The following SGK1 variants were observed in gnomAD, a reference collection of about 807,000 sequenced individuals.
SGK1 encodes the protein serum/glucocorticoid regulated kinase 1, also known as serine/threonine-protein kinase Sgk1.
Under a neutral mutation model 64.2 loss-of-function variants are expected in SGK1, and 26 were observed. The ratio of observed to expected loss-of-function variants is 0.40; its 90% CI spans 0.30 to 0.56. The LOEUF (loss-of-function observed/expected upper bound fraction) is 0.56, where lower values mean the gene tolerates loss of function less well. SGK1 is among the 20% of genes least tolerant of loss of function. SGK1 has a pLI of 0.38. For missense variants in SGK1, 519 were observed against 645.6 expected (o/e 0.80, Z 2.12); for synonymous variants, 265 against 239.7 (o/e 1.11, Z -0.98).
chr6:134,285,245 G>A (rs1475766411), intron 1 of SGK1, among the ~76,000 whole-genome samples: 2 of 152,096 alleles, frequency 1.3e-5, no homozygotes, highest in Non-Finnish European at 2.9e-5. Flanking sequence ...GATTGCCTGA[G>A]GTCGGCAGAT....
intron 9 of SGK1, 35 bp downstream of exon 9, chr6:134,172,627 C>T: frequency 1.4e-6 from 2 of 1,391,316 alleles, no homozygotes; most frequent in Non-Finnish European, 2.0e-6. Context: ...CTCCTTTATA[C>T]CAAAACTGGT....
intron 1 of SGK1, among the ~76,000 whole-genome samples, chr6:134,296,455 A>G (rs1299674268): frequency 6.6e-6 from 1 of 152,018 alleles, no homozygotes; most frequent in East Asian, 1.9e-4. Flanking sequence ...CATTTTTTGT[A>G]GAGACAGGAT....
intron 1 of SGK1, among the ~76,000 whole-genome samples, chr6:134,282,574 A>G (rs868235862): frequency 3.2e-4 from 49 of 151,406 alleles, no homozygotes; most frequent in African/African-American, 1.2e-3. Flanking sequence ...AATCACTTGA[A>G]CCTGGGAGGC....
intron 1 of SGK1, among the ~76,000 whole-genome samples, chr6:134,265,197 C>T (rs1432305772): frequency 2.0e-5 from 3 of 152,154 alleles, no homozygotes; most frequent in African/African-American, 4.8e-5. Flanking sequence ...CAGTGGCTCA[C>T]GCCTGTAATC....
At chr6:134,228,380 G>A (rs953647391) in intron 2 of SGK1, among the ~76,000 whole-genome samples, 3 of 152,028 alleles carry the variant, frequency 2.0e-5, no homozygotes, top group Non-Finnish European at 4.4e-5. Flanking sequence ...ACAAAGCTAT[G>A]GTTAATATTA....
intron 2 of SGK1, among the ~76,000 whole-genome samples, chr6:134,207,876 T>C (rs1333870732): frequency 6.6e-6 from 1 of 152,226 alleles, no homozygotes; most frequent in African/African-American, 2.4e-5. Context: ...AAAATACATA[T>C]TAATTAAAAG....
intron 1 of SGK1, among the ~76,000 whole-genome samples, chr6:134,289,375 A>G (rs1777229928): frequency 1.3e-5 from 2 of 152,258 alleles, no homozygotes; most frequent in Admixed American, 6.5e-5. Flanking sequence ...GAATAATTGG[A>G]TAAGCCTTTA....
intron 1 of SGK1, among the ~76,000 whole-genome samples, chr6:134,305,316 G>A (rs1040216429): frequency 1.9e-4 from 24 of 129,424 alleles, no homozygotes; most frequent in African/African-American, 5.2e-4. Flanking sequence ...CCAAAATCGC[G>A]CCCACTGCAC....
intron 1 of SGK1, among the ~76,000 whole-genome samples, chr6:134,299,683 T>TA (rs909975422): frequency 6.3e-4 from 95 of 150,990 alleles, no homozygotes; most frequent in African/African-American, 2.2e-3. Context: ...GTAAACCACT[T>TA]AAAAAAAAAG....
At chr6:134,174,842 C>T (rs375512444) in intron 3 of SGK1, 1 of 1,613,190 alleles carries the variant, frequency 6.2e-7, no homozygotes, top group African/African-American at 1.3e-5. Context: ...CGTTAGCGCT[C>T]AAAGACCGGC....
chr6:134,250,643 A>G lies in SGK1; in HGVS notation c.285+11290T>C, dbSNP rs543684528. 2.0e-5 allele frequency among the ~76,000 whole-genome samples: 3 copies of G among 152,350 alleles called. No homozygotes were observed. The South Asian group carries it at 6.2e-4, about 32-fold the overall frequency. On this transcript the variant is annotated intron_variant, in intron 2 of 13. Coordinates refer to ENST00000367858, the MANE Select transcript of SGK1 (RefSeq NM_001143676.3). ...AATAAGAAATATCAAGGTGATATTA[A>G]TGGTTTGTATTTCCCTTTTCTGTAG...
chr6:134,293,348 T>G (rs1777295110), intron 1 of SGK1, among the ~76,000 whole-genome samples: 2 of 152,166 alleles, frequency 1.3e-5, no homozygotes, highest in African/African-American at 4.8e-5. Context: ...TAGAGGCAAA[T>G]GAGAGAGTTA....
chr6:134,246,060 C>T (rs1185369637), intron 2 of SGK1, among the ~76,000 whole-genome samples: 1 of 152,178 alleles, frequency 6.6e-6, no homozygotes, highest in African/African-American at 2.4e-5. Flanking sequence ...ACACAAATGA[C>T]CACGTAAAGG....
At chr6:134,270,008 G>A (rs1013984144) in intron 1 of SGK1, among the ~76,000 whole-genome samples, 1 of 146,972 alleles carries the variant, frequency 6.8e-6, no homozygotes, top group Non-Finnish European at 1.5e-5. Context: ...TGCAACCTCC[G>A]CCTCCCGGGT....
chr6:134,219,885 C>T (rs1229660404), intron 2 of SGK1, among the ~76,000 whole-genome samples: 1 of 144,406 alleles, frequency 6.9e-6, no homozygotes, highest in Admixed American at 7.1e-5. Flanking sequence ...CGGTGAAACC[C>T]CGTCTCTACT....
intron 2 of SGK1, among the ~76,000 whole-genome samples, chr6:134,241,823 C>G (rs187986392): frequency 4.4e-4 from 67 of 151,352 alleles, no homozygotes; most frequent in African/African-American, 1.6e-3. Flanking sequence ...CGTTTCACCG[C>G]GTTAGCCAGG....
chr6:134,244,499 A>G (rs1037304833), intron 2 of SGK1, among the ~76,000 whole-genome samples: 7 of 152,280 alleles, frequency 4.6e-5, no homozygotes, highest in East Asian at 3.9e-4. Flanking sequence ...GGAAAAGCAT[A>G]GTATCTGGGC....
At chr6:134,249,350 T>C (rs1467875714) in intron 2 of SGK1, 1 of 152,198 alleles carries the variant, frequency 6.6e-6, no homozygotes, top group African/African-American at 2.4e-5. Flanking sequence ...TGTTCCCCAG[T>C]TGAGCTATAT....
intron 2 of SGK1, among the ~76,000 whole-genome samples, chr6:134,220,058 C>CAAAAAAAAAAAA (rs55870107): frequency 3.6e-4 from 22 of 61,348 alleles, no homozygotes; most frequent in African/African-American, 1.3e-3. Flanking sequence ...GACTCCGTCT[C>CAAAAAAAAAAAA]AAAAAAAAAA....
Sources: allele counts gnomAD v4.1 joint callset (sites outside exome capture counted in the v4.1 genomes callset), GRCh38; gene constraint gnomAD v4.1.1; transcripts MANE v1.5; gene names NCBI Gene and HGNC (gene_info 2026-07-23, HGNC 2026-07-21).